ERC1: variants seen among roughly 807,000 people sequenced by gnomAD.
ERC1 encodes ELKS/RAB6-interacting/CAST family member 1.
In ERC1, 56 loss-of-function variants were observed where a neutral mutation model predicts 132.0. The observed-to-expected ratio is 0.42, with a 90% CI of 0.34 to 0.53. The LOEUF is 0.53. Among genes scored for constraint, ERC1 ranks in the 20% least tolerant of loss-of-function variants. The pLI is 0.03. For missense variants in ERC1, 1,202 were observed against 1,349.9 expected, an observed-to-expected ratio of 0.89 and a Z score of 1.72; for synonymous variants, 478 against 476.1, an observed-to-expected ratio of 1.00 and a Z score of -0.05.
intron 7 of ERC1, among the ~76,000 whole-genome samples, chr12:1,122,610 T>TGTGC (rs1947652820): frequency 6.7e-5 from 10 of 149,822 alleles, no homozygotes; most frequent in African/African-American, 2.2e-4. Context: ...TGTCTCTATC[T>TGTGC]CTATCTCTAT....
At position 1,493,351 on chromosome 12, in the gene ERC1, T is replaced by C. The variant is rs1377644364; in HGVS notation, c.*3121T>C. 2.3e-5 allele frequency: 4 copies of C among 176,074 alleles called. No individual in the cohort carries two copies. The highest frequency in any genetic ancestry group is 4.9e-5 in the Non-Finnish European group (4 of 82,026). 10.9% of individuals were successfully genotyped at this position (176,074 alleles called of 1,614,324 possible). ...TGAGATCAGGAGTTCGAGGCCAGCC[T>C]GGCCAAGATGGCAAAAACCCCGACT... is the stretch of plus-strand genomic sequence containing the variant. On this transcript the variant is annotated 3_prime_UTR_variant, in exon 19 of 19. Transcript: ENST00000360905.
intron 15 of ERC1, among the ~76,000 whole-genome samples, chr12:1,292,917 C>G (rs2079558997): frequency 6.6e-6 from 1 of 151,994 alleles, no homozygotes; most frequent in South Asian, 2.1e-4. Context: ...GAGGCCGAGG[C>G]TGGTGGATCA....
chr12:1,444,781 C>T, intron 18 of ERC1, 31 bp downstream of exon 18: 4 of 1,602,504 alleles, frequency 2.5e-6, no homozygotes, highest in South Asian at 2.2e-5. Flanking sequence ...TTGAAAAGAG[C>T]CTGTGAAAAT....
chr12:1,241,548 CAG>C (rs1279134756), intron 13 of ERC1, among the ~76,000 whole-genome samples: 1 of 152,088 alleles, frequency 6.6e-6, no homozygotes, highest in African/African-American at 2.4e-5. Context: ...CCATTTGCAA[CAG>C]AGTCAAGCAT....
chr12:1,278,668 T>C (rs2078450578), intron 14 of ERC1, among the ~76,000 whole-genome samples: 1 of 152,202 alleles, frequency 6.6e-6, no homozygotes, highest in Admixed American at 6.5e-5. Context: ...TTCTCCACTT[T>C]TAGTAACTCT....
intron 8 of ERC1, among the ~76,000 whole-genome samples, chr12:1,168,130 A>T (rs912521901): frequency 8.6e-5 from 13 of 151,352 alleles, no homozygotes; most frequent in African/African-American, 2.7e-4. Context: ...TGGTATTTTT[A>T]TTTTTTTTGA....
At chr12:1,167,999 T>C (rs76727426) in intron 8 of ERC1, among the ~76,000 whole-genome samples, 7,191 of 152,060 alleles carry the variant, frequency 0.047, 236 homozygotes, top group African/African-American at 0.092. Flanking sequence ...CAGGCGTGAG[T>C]CACCGCGCCC....
intron 1 of ERC1, among the ~76,000 whole-genome samples, chr12:999,767 G>A (rs965392326): frequency 1.3e-5 from 2 of 152,006 alleles, no homozygotes. Context: ...AGCTAATTTT[G>A]TATTTTTAGT....
At chr12:1,093,903 A>ATATATTTTTCTATATATAAATG (rs1943575841) in intron 3 of ERC1, among the ~76,000 whole-genome samples, 2 of 136,384 alleles carry the variant, frequency 1.5e-5, no homozygotes, top group Admixed American at 7.7e-5. Flanking sequence ...ATATATAAAT[A>ATATATTTTTCTATATATAAATG]TATATTTTTC....
chr12:1,340,920 G>A (rs945833380), intron 15 of ERC1, among the ~76,000 whole-genome samples: 5 of 151,992 alleles, frequency 3.3e-5, no homozygotes, highest in African/African-American at 1.2e-4. Flanking sequence ...TTTTAAGGAT[G>A]TGTTTTCCAG....
chr12:1,320,875 G>C (rs1160802668), intron 15 of ERC1, among the ~76,000 whole-genome samples: 1 of 152,068 alleles, frequency 6.6e-6, no homozygotes, highest in Non-Finnish European at 1.5e-5. Context: ...CTAATTTTTT[G>C]TATTTTTAGT....
intron 12 of ERC1, among the ~76,000 whole-genome samples, chr12:1,211,459 G>GTTTT (rs1345402721): frequency 6.6e-6 from 1 of 151,830 alleles, no homozygotes; most frequent in Admixed American, 6.6e-5. Context: ...AAGTTGAGAT[G>GTTTT]TTAAAAGGAA....
chr12:1,112,255 A>G lies in ERC1; in HGVS notation c.1358A>G (p.Gln453Arg), dbSNP rs1945965659. The G allele has an allele frequency of 6.2e-7, 1 of 1,613,334 alleles. No homozygotes were observed. The highest frequency in any genetic ancestry group is 1.7e-5 in the Admixed American group (1 of 60,006). ...LKEELSSKEAQWEELKKKAAG... is the reference protein window; with the variant it reads ...LKEELSSKEARWEELKKKAAG... ...GAGGAACTAAGTTCGAAAGAGGCTC[A>G]ATGGGAGGAGCTGAAAAAGAAAGCG... is the stretch of plus-strand genomic sequence containing the variant. The change falls in exon 6 of 19, where the codon CAA becomes CGA. Residue 453 changes from glutamine to arginine, a missense_variant. Physicochemically the swap from Gln to Arg is conservative, Grantham distance 43. Transcript: ENST00000360905.
Position 1,263,082 on chromosome 12 carries a change from C to G in ERC1, c.2536C>G (p.Leu846Val). The change falls in exon 14 of 19, where the codon CTA (leucine) becomes GTA (valine). Residue 846 changes from leucine to valine, a missense_variant. Leu to Val is a conservative substitution (Grantham distance 32, BLOSUM62 1). Coordinates refer to ENST00000360905, the MANE Select transcript of ERC1 (RefSeq NM_178040.4). ...DDRIEELEEALRESVQITAER... is the reference protein window; with the variant it reads ...DDRIEELEEAVRESVQITAER... ...CAGGATTGAAGAGCTGGAAGAAGCA[C>G]TAAGAGAAAGTGTACAGATAACTGC... 6.2e-7 allele frequency: 1 copy of G among 1,614,012 alleles called. No homozygotes were observed.
intron 16 of ERC1, among the ~76,000 whole-genome samples, chr12:1,400,007 C>A (rs1279587243): frequency 1.3e-5 from 2 of 152,150 alleles, no homozygotes; most frequent in Admixed American, 1.3e-4. Context: ...ATCCCACCAG[C>A]AATATATGAC....
chr12:1,454,599 G>A (rs1050334333), intron 18 of ERC1, among the ~76,000 whole-genome samples: 1 of 152,176 alleles, frequency 6.6e-6, no homozygotes, highest in African/African-American at 2.4e-5. Context: ...CAGGAGAGTT[G>A]TGCCGACTCT....
chr12:1,057,330 GC>G, intron 2 of ERC1, among the ~76,000 whole-genome samples: 1 of 151,936 alleles, frequency 6.6e-6, no homozygotes, highest in Non-Finnish European at 1.5e-5. Flanking sequence ...CGCCCTGTTG[GC>G]CAGGGTGGTC....
intron 16 of ERC1, among the ~76,000 whole-genome samples, chr12:1,400,985 G>C (rs927890279): frequency 2.5e-5 from 3 of 120,220 alleles, no homozygotes; most frequent in Non-Finnish European, 4.8e-5. Context: ...GCCCAGGCTG[G>C]AGTGCAGTGG....
At chr12:1,244,791 T>G (rs2076060589) in intron 13 of ERC1, 1 of 248,750 alleles carries the variant, frequency 4.0e-6, no homozygotes, top group African/African-American at 2.3e-5. Flanking sequence ...AGTGCTGGGA[T>G]TACAGGTGTG....
Sources: gnomAD v4.1 joint callset for allele counts (sites outside exome capture counted in the v4.1 genomes callset) on GRCh38, gnomAD v4.1.1 for gene constraint, MANE v1.5 for transcripts, NCBI Gene and HGNC (gene_info 2026-07-23, HGNC 2026-07-21) for gene names.